The following PLXND1 variants were observed in gnomAD, a reference collection of about 807,000 sequenced individuals.
The protein encoded by PLXND1 is plexin D1, also known as plexin-D1.
A neutral mutation model predicts 197.7 loss-of-function variants in PLXND1; 54 were observed. The observed-to-expected ratio is 0.27, with a 90% CI of 0.22 to 0.34. The LOEUF (loss-of-function observed/expected upper bound fraction) is 0.34, where lower values mean the gene tolerates loss of function less well. Among genes scored for constraint, PLXND1 ranks in the 10% least tolerant of loss-of-function variants. The pLI, the probability that PLXND1 is intolerant of heterozygous loss-of-function variation, is 1.00. For synonymous variants in PLXND1, 1,180 were observed against 1,161.2 expected, an observed-to-expected ratio of 1.02 and a Z score of -0.33; for missense variants, 2,127 against 2,699.2, an observed-to-expected ratio of 0.79 and a Z score of 4.70.
At chr3:129,584,268 G>A (rs2085427365) in intron 6 of PLXND1, 35 bp from the exon 7 acceptor site, 2 of 1,581,906 alleles carry the variant, frequency 1.3e-6, no homozygotes, top group Non-Finnish European at 1.7e-6. Context: ...GAGGACATGG[G>A]GGCAGGGGAT....
Position 129,586,629 on chromosome 3 carries a change from G to T in PLXND1, c.1579C>A (p.Pro527Thr). The T allele has an allele frequency of 6.3e-7, 1 of 1,577,386 alleles. No homozygotes were observed. The highest frequency in any genetic ancestry group is 8.6e-7 in the Non-Finnish European group (1 of 1,160,956). Residue 527 changes from proline to threonine, a missense_variant, in exon 3 of 36, where the codon CCA becomes ACA. Transcript: ENST00000324093. ...AGGTAAAGGTAACCGGAGTCTGCTG[G>T]GTCAAACTGCATGACATGGTGCACG... ...EPVHHVMQFDPADSGYLYLMT... is the reference protein window; with the variant it reads ...EPVHHVMQFDTADSGYLYLMT...
At chr3:129,603,694 C>T (rs2085743598) in intron 1 of PLXND1, among the ~76,000 whole-genome samples, 1 of 152,150 alleles carries the variant, frequency 6.6e-6, no homozygotes, top group African/African-American at 2.4e-5. Flanking sequence ...AGACCGACCT[C>T]GACCTTGGGA....
rs373648533 is a variant in PLXND1 at position 129,571,638 on chromosome 3, C to A, written c.3245+39G>T. On this transcript the variant is annotated intron_variant, in intron 16 of 35. Coordinates refer to ENST00000324093, the MANE Select transcript of PLXND1 (RefSeq NM_015103.3). ...CAAAACCTATCAGTGCACCTGCAGC[C>A]CCAGAGAGCCTGGGGGAAGGGCGGG... 7 of 1,613,732 alleles carry A rather than the reference C, an allele frequency of 4.3e-6. No individual in the cohort carries two copies. In the African/African-American group the frequency reaches 9.3e-5, roughly 22 times the overall value.
chr3:129,595,373 G>A (rs1262728233), intron 1 of PLXND1, among the ~76,000 whole-genome samples: 2 of 152,256 alleles, frequency 1.3e-5, no homozygotes, highest in African/African-American at 2.4e-5. Context: ...GCCTCTGGCA[G>A]CAGCCCCCAT....
In PLXND1 at chr3:129,573,268, T is replaced by C. The variant is rs2085264051; in HGVS notation, c.2837+326A>G. Among the ~76,000 whole-genome samples the C allele has an allele frequency of 2.6e-5, 4 of 151,946 alleles. No individual in the cohort carries two copies. The South Asian group carries it at 8.3e-4, about 32-fold the overall frequency. ...GGGCCAGTCACAGATCTCTAAACCA[T>C]GCCAGTAGCCCCAGCCTTTTTAATT... On this transcript the variant is annotated intron_variant, in intron 13 of 35. Coordinates refer to ENST00000324093, the MANE Select transcript of PLXND1 (RefSeq NM_015103.3).
Position 129,588,277 on chromosome 3 carries a change from G to A in PLXND1, c.1488+1074C>T, listed in dbSNP as rs527637047. ...ATCGTGCCTCTGCCTCCCTTGCAGGGGTGTGAGAATTAAGTGAGAGGATGC... is the reference window on the plus strand; with the variant it reads ...ATCGTGCCTCTGCCTCCCTTGCAGGAGTGTGAGAATTAAGTGAGAGGATGC... On this transcript the variant is annotated intron_variant, in intron 2 of 35. Transcript: ENST00000324093. Among the ~76,000 whole-genome samples, 70 of 152,292 alleles carry A rather than the reference G, an allele frequency of 4.6e-4. 2 individuals carry two copies. The South Asian group carries it at 7.9e-3, about 17-fold the overall frequency.
chr3:129,587,466 T>C (rs1225172390), intron 2 of PLXND1, among the ~76,000 whole-genome samples: 1 of 152,138 alleles, frequency 6.6e-6, no homozygotes, highest in African/African-American at 2.4e-5. Flanking sequence ...AGGATGACAA[T>C]ACCGGTCAGA....
At chr3:129,565,318 G>T (rs2085122555) in intron 25 of PLXND1, 22 bp downstream of exon 25, 12 of 1,607,284 alleles carry the variant, frequency 7.5e-6, no homozygotes, top group Non-Finnish European at 1.0e-5. Context: ...CCTGGGCTCT[G>T]TCTGTCCCCA....
chr3:129,597,624 G>A (rs995928084), intron 1 of PLXND1, among the ~76,000 whole-genome samples: 8 of 152,260 alleles, frequency 5.3e-5, no homozygotes, highest in Admixed American at 1.3e-4. Flanking sequence ...GGTAAAGGAC[G>A]GTGGACTAGG....
intron 17 of PLXND1, 90 bp from the exon 18 acceptor site, chr3:129,571,393 C>A (rs998062408): frequency 2.0e-6 from 3 of 1,534,722 alleles, no homozygotes; most frequent in Non-Finnish European, 2.7e-6. Context: ...TGAGGAGACA[C>A]AGAGGCAGAG....
chr3:129,585,850 G>A, intron 5 of PLXND1, 102 bp downstream of exon 5: 1 of 1,475,518 alleles, frequency 6.8e-7, no homozygotes, highest in South Asian at 1.2e-5. Context: ...TCAGGTCCTT[G>A]GGGCACCATG....
At position 129,575,452 on chromosome 3, in the gene PLXND1, C is replaced by T. The variant is rs368484712; in HGVS notation, c.2530+17G>A. The T allele has an allele frequency of 4.0e-3, 6,064 of 1,505,722 alleles. 34 individuals are homozygous for T. Among genetic ancestry groups the T allele is most frequent in the Non-Finnish European group, 4.8e-3 (5,273 of 1,105,490 alleles). 93.3% of individuals were successfully genotyped at this position (1,505,722 alleles called of 1,614,324 possible). On this transcript the variant is annotated intron_variant, in intron 11 of 35. Transcript: ENST00000324093. The stretch of plus-strand genomic sequence containing the variant: ...ACTGAGGCCCCGAGGCCATGTGGGG[C>T]GGGTGGGGGTGCCCACCTGTCATGG...
Position 129,563,234 on chromosome 3 carries a change from C to G in PLXND1, c.4528G>C (p.Val1510Leu). 6.2e-7 allele frequency: 1 copy of G among 1,610,756 alleles called. No individual in the cohort carries two copies. Among genetic ancestry groups the G allele is most frequent in the Non-Finnish European group, 8.5e-7 (1 of 1,178,524 alleles). ...ICMYSCLRETVGEPFFLLLCA... is the reference protein window; with the variant it reads ...ICMYSCLRETLGEPFFLLLCA... Reference sequence around the variant, plus strand: ...AGCAGCAGGAAGAATGGCTCCCCCACCGTCTCCTGAGGGGCACGGGGGTAT... The same window carrying G: ...AGCAGCAGGAAGAATGGCTCCCCCAGCGTCTCCTGAGGGGCACGGGGGTAT... Residue 1510 changes from valine to leucine, a missense_variant, in exon 26 of 36, where the codon GTG (valine) becomes CTG (leucine). By Grantham distance (32) the Val-to-Leu change is conservative. Coordinates refer to ENST00000324093, the MANE Select transcript of PLXND1 (RefSeq NM_015103.3).
chr3:129,591,075 C>T (rs542846058), intron 1 of PLXND1, among the ~76,000 whole-genome samples: 7 of 152,330 alleles, frequency 4.6e-5, no homozygotes, highest in African/African-American at 1.7e-4. Context: ...TGTGCTTGGG[C>T]AAATAAACAC....
chr3:129,576,188 C>T (rs1007680627), intron 9 of PLXND1, among the ~76,000 whole-genome samples: 2 of 152,212 alleles, frequency 1.3e-5, no homozygotes, highest in East Asian at 3.9e-4. Flanking sequence ...CCCTGCTCTT[C>T]GAGCCTTCCC....
At chr3:129,599,737 T>C (rs1023109889) in intron 1 of PLXND1, among the ~76,000 whole-genome samples, 36 of 152,232 alleles carry the variant, frequency 2.4e-4, no homozygotes, top group African/African-American at 8.2e-4. Flanking sequence ...CCCGCCTGAG[T>C]CACTGCTATC....
rs985361891 is a variant in PLXND1, at chr3:129,565,266, G to A, written c.4521+74C>T. The A allele has an allele frequency of 3.9e-6, 5 of 1,296,498 alleles. No individual in the cohort carries two copies. In the African/African-American group the frequency reaches 5.8e-5, roughly 15 times the overall value. The allele number at this position is 1,296,498 out of a possible 1,614,324, so 80.3% of individuals were successfully genotyped here. ...TGAGGGTGCCAGGGAAGGCCTGGGAGGCCGTGGGGTCACTGCCGCTGAGTC... is the reference window on the plus strand; with the variant it reads ...TGAGGGTGCCAGGGAAGGCCTGGGAAGCCGTGGGGTCACTGCCGCTGAGTC... On this transcript the variant is annotated intron_variant, in intron 25 of 35. Transcript: ENST00000324093.
chr3:129,555,602 A>G lies in PLXND1; in HGVS notation c.*710T>C, dbSNP rs566907811. 3.0e-5 allele frequency: 19 copies of G among 632,042 alleles called. No individual in the cohort carries two copies. The South Asian group carries it at 3.3e-4, about 11-fold the overall frequency. 39.2% of individuals were successfully genotyped at this position (632,042 alleles called of 1,614,324 possible). A position where few individuals can be genotyped will look rare whatever the true frequency, so the allele number is the denominator to read the frequency against. On this transcript the variant is annotated 3_prime_UTR_variant, in exon 36 of 36. Coordinates refer to ENST00000324093, the MANE Select transcript of PLXND1 (RefSeq NM_015103.3). The stretch of plus-strand genomic sequence containing the variant: ...CACTTTCAGCAAGATCAAGTAGCCC[A>G]GCTACAGCCTCGGTGCATCTTAACC...
chr3:129,595,943 ACACACT>A (rs1202334643), intron 1 of PLXND1, among the ~76,000 whole-genome samples: 3 of 151,614 alleles, frequency 2.0e-5, no homozygotes, highest in Non-Finnish European at 4.4e-5. Context: ...ACACACACAC[ACACACT>A]CTTGCTGCGT....
Sources: gnomAD v4.1 joint callset for allele counts (sites outside exome capture counted in the v4.1 genomes callset) on GRCh38, gnomAD v4.1.1 for gene constraint, MANE v1.5 for transcripts, NCBI Gene and HGNC (gene_info 2026-07-23, HGNC 2026-07-21) for gene names.